RPS6KC1: variants seen among roughly 807,000 people sequenced by gnomAD.
RPS6KC1 encodes the protein inactive ribosomal protein S6 kinase delta-1.
In RPS6KC1, 54 loss-of-function variants were observed where a neutral mutation model predicts 103.8. The ratio of observed to expected loss-of-function variants is 0.52; its 90% confidence interval spans 0.42 to 0.65. The LOEUF (loss-of-function observed/expected upper bound fraction) is 0.65, where lower values mean the gene tolerates loss of function less well. Ranked by LOEUF, RPS6KC1 falls within the 30% of genes least tolerant of loss-of-function variation. RPS6KC1 has a pLI of 0.00. For missense variants in RPS6KC1, 1,151 were observed against 1,253.8 expected (o/e 0.92, Z 1.24); for synonymous variants, 439 against 438.7 (o/e 1.00, Z -0.01).
At chr1:213,143,423 T>C (rs2087322241) in intron 6 of RPS6KC1, among the ~76,000 whole-genome samples, 1 of 152,040 alleles carries the variant, frequency 6.6e-6, no homozygotes, top group South Asian at 2.1e-4. Context: ...CTTTTAACTT[T>C]TATTTTGCTG....
rs573115066 is a variant in RPS6KC1, at chr1:213,204,055, T to C, written c.1045-26442T>C. Reference sequence around the variant, plus strand: ...GTCTGAATTAGACACCCCTCTTCTTTGTTCCAGTTGCACCTGTAATTCTTC... The same window carrying C: ...GTCTGAATTAGACACCCCTCTTCTTCGTTCCAGTTGCACCTGTAATTCTTC... On this transcript the variant is annotated intron_variant, in intron 8 of 14. Transcript: ENST00000366960. 1.1e-4 allele frequency among the ~76,000 whole-genome samples: 17 copies of C among 152,330 alleles called. No homozygotes were observed. The South Asian group carries it at 3.1e-3, about 28-fold the overall frequency.
At chr1:213,123,179 T>G (rs577822704) in intron 5 of RPS6KC1, among the ~76,000 whole-genome samples, 2 of 152,272 alleles carry the variant, frequency 1.3e-5, no homozygotes, top group South Asian at 2.1e-4. Context: ...GATTTCATTT[T>G]ATGGAGGGGA....
At chr1:213,562,337 G>A in the RPS6KC1 span, among the ~76,000 whole-genome samples, 7 of 114,302 alleles carry the variant, frequency 6.1e-5, no homozygotes, top group African/African-American at 1.4e-4. Context: ...AATATATTCC[G>A]TAAAATTTCC....
the RPS6KC1 span, chr1:213,731,415 A>C: frequency 6.6e-6 from 1 of 151,992 alleles, no homozygotes; most frequent in Non-Finnish European, 1.5e-5. Flanking sequence ...TCATCTCTGC[A>C]GCAGGACCTA....
chr1:213,437,776 G>T, the RPS6KC1 span, among the ~76,000 whole-genome samples: 2 of 151,370 alleles, frequency 1.3e-5, no homozygotes, highest in African/African-American at 4.9e-5. Flanking sequence ...AATTCGCTGG[G>T]ATTTTTTTAG....
chr1:213,287,765 T>C, the RPS6KC1 span, among the ~76,000 whole-genome samples: 1 of 152,140 alleles, frequency 6.6e-6, no homozygotes, highest in African/African-American at 2.4e-5. Flanking sequence ...TTAAAAATGT[T>C]TAAGAGGGCT....
chr1:213,564,696 T>C, the RPS6KC1 span, among the ~76,000 whole-genome samples: 3 of 152,314 alleles, frequency 2.0e-5, no homozygotes, highest in African/African-American at 7.2e-5. Flanking sequence ...TCCCCTCCTC[T>C]GAGATTTTTA....
the RPS6KC1 span, among the ~76,000 whole-genome samples, chr1:213,787,940 C>A: frequency 7.2e-5 from 11 of 152,112 alleles, no homozygotes; most frequent in Admixed American, 3.3e-4. Flanking sequence ...GGCCAGGACA[C>A]CAGTAGAATG....
the RPS6KC1 span, among the ~76,000 whole-genome samples, chr1:213,796,484 C>T: frequency 1.3e-5 from 2 of 152,080 alleles, no homozygotes; most frequent in Non-Finnish European, 1.5e-5. Context: ...GGACTCATCC[C>T]GAAGAAGCCC....
chr1:213,089,030 A>G (rs546943145), intron 3 of RPS6KC1, among the ~76,000 whole-genome samples: 1 of 152,390 alleles, frequency 6.6e-6, no homozygotes, highest in African/African-American at 2.4e-5. Context: ...TAATTTTAAC[A>G]AATATTTAAT....
At chr1:213,234,038 G>T (rs2094166363) in intron 10 of RPS6KC1, among the ~76,000 whole-genome samples, 1 of 150,216 alleles carries the variant, frequency 6.7e-6, no homozygotes, top group African/African-American at 2.4e-5. Flanking sequence ...TTTGGTTGGG[G>T]GGTAGTTAGG....
chr1:213,561,446 C>T, the RPS6KC1 span, among the ~76,000 whole-genome samples: 4 of 152,148 alleles, frequency 2.6e-5, no homozygotes, highest in Non-Finnish European at 5.9e-5. Flanking sequence ...CCAAAATCAC[C>T]AGAAGCAGGC....
At chr1:213,783,999 C>G in the RPS6KC1 span, among the ~76,000 whole-genome samples, 1 of 152,042 alleles carries the variant, frequency 6.6e-6, no homozygotes, top group Non-Finnish European at 1.5e-5. Context: ...AGGAAAAAAA[C>G]CTCAAGCCAC....
At chr1:213,223,730 G>A (rs941170832) in intron 8 of RPS6KC1, among the ~76,000 whole-genome samples, 1 of 152,142 alleles carries the variant, frequency 6.6e-6, no homozygotes, top group African/African-American at 2.4e-5. Context: ...CTACCCAGTA[G>A]TGGGATTGTT....
the RPS6KC1 span, among the ~76,000 whole-genome samples, chr1:213,393,274 C>T: frequency 6.6e-6 from 1 of 152,228 alleles, no homozygotes; most frequent in Non-Finnish European, 1.5e-5. Flanking sequence ...ACTTCACAGT[C>T]ACCCACTTAA....
chr1:213,408,678 CT>C, the RPS6KC1 span, among the ~76,000 whole-genome samples: 1 of 152,162 alleles, frequency 6.6e-6, no homozygotes, highest in East Asian at 1.9e-4. Flanking sequence ...TTGTCGGAGC[CT>C]GTAATTGCAT....
chr1:213,135,382 G>A (rs771332477), intron 6 of RPS6KC1, among the ~76,000 whole-genome samples: 20 of 152,212 alleles, frequency 1.3e-4, no homozygotes, highest in South Asian at 6.2e-4. Context: ...GCTTATTGAG[G>A]TATGAGCCTT....
At chr1:213,097,197 T>TA (rs1207819991) in intron 3 of RPS6KC1, among the ~76,000 whole-genome samples, 1 of 152,012 alleles carries the variant, frequency 6.6e-6, no homozygotes, top group African/African-American at 2.4e-5. Context: ...CTACTAGAAA[T>TA]ACAAAAGTTA....
chr1:213,290,966 T>C, the RPS6KC1 span, among the ~76,000 whole-genome samples: 7 of 152,170 alleles, frequency 4.6e-5, no homozygotes, highest in African/African-American at 1.4e-4. Flanking sequence ...CCTCCTTCAA[T>C]TTCCACCAGG....
Sources: gnomAD v4.1 joint callset for allele counts (sites outside exome capture counted in the v4.1 genomes callset) on GRCh38, gnomAD v4.1.1 for gene constraint, MANE v1.5 for transcripts, NCBI Gene and HGNC (gene_info 2026-07-23, HGNC 2026-07-21) for gene names.